LRRC28: variants seen among roughly 807,000 people sequenced by gnomAD.
LRRC28 encodes the protein leucine-rich repeat-containing protein 28.
LRRC28 carries 39 observed loss-of-function variants against 45.7 expected under a neutral mutation model. The observed-to-expected ratio is 0.85, with a 90% confidence interval of 0.66 to 1.12. The LOEUF (loss-of-function observed/expected upper bound fraction) is 1.12, where lower values mean the gene tolerates loss of function less well. LRRC28 is among the 50% of genes most tolerant of loss of function. The probability of loss-of-function intolerance (pLI) is 0.00; values close to 1 mark genes in which losing one functional copy is unlikely to be tolerated. For synonymous variants in LRRC28, 206 were observed against 178.8 expected, an observed-to-expected ratio of 1.15 and a Z score of -1.22; for missense variants, 435 against 438.5, an observed-to-expected ratio of 0.99 and a Z score of 0.07.
chr15:99,325,649 T>C (rs773217977), intron 5 of LRRC28, among the ~76,000 whole-genome samples: 9 of 152,240 alleles, frequency 5.9e-5, no homozygotes, highest in Non-Finnish European at 1.0e-4. Context: ...AGAGTAGTTA[T>C]CATGAGTGGA....
intron 5 of LRRC28, 67 bp from the exon 6 acceptor site, chr15:99,333,856 A>G: frequency 2.7e-6 from 4 of 1,477,864 alleles, no homozygotes; most frequent in Non-Finnish European, 3.8e-6. Context: ...CTGTTATAAT[A>G]TTGATTCATT....
At chr15:99,281,743 T>G (rs2081797927) in intron 3 of LRRC28, among the ~76,000 whole-genome samples, 1 of 152,190 alleles carries the variant, frequency 6.6e-6, no homozygotes. Flanking sequence ...CTTTGATCCT[T>G]TTATGGCTTA....
chr15:99,270,649 T>C (rs959529964), intron 2 of LRRC28, among the ~76,000 whole-genome samples: 2 of 152,256 alleles, frequency 1.3e-5, no homozygotes, highest in Non-Finnish European at 2.9e-5. Flanking sequence ...ATTGTATGGC[T>C]ATACCACCAT....
intron 5 of LRRC28, chr15:99,332,074 T>G (rs532653303): frequency 1.3e-5 from 2 of 152,214 alleles, no homozygotes; most frequent in Non-Finnish European, 2.9e-5. Flanking sequence ...ATTTTTTGAT[T>G]TTTAAATTTA....
intron 6 of LRRC28, among the ~76,000 whole-genome samples, chr15:99,338,894 C>T (rs1956413050): frequency 6.6e-6 from 1 of 152,084 alleles, no homozygotes; most frequent in South Asian, 2.1e-4. Context: ...AAAGATGCAC[C>T]GGAAGAAAAG....
intron 7 of LRRC28, among the ~76,000 whole-genome samples, chr15:99,357,815 A>G (rs1355971738): frequency 6.6e-6 from 1 of 152,154 alleles, no homozygotes; most frequent in African/African-American, 2.4e-5. Flanking sequence ...ATGATTTTGT[A>G]TGATTTCTGA....
chr15:99,260,902 G>C (rs1276035475), intron 2 of LRRC28, among the ~76,000 whole-genome samples: 1 of 152,032 alleles, frequency 6.6e-6, no homozygotes, highest in Non-Finnish European at 1.5e-5. Flanking sequence ...TTTTCATGTT[G>C]TTTTTGTGTT....
At chr15:99,337,763 A>G (rs530845948) in intron 6 of LRRC28, 1 of 152,402 alleles carries the variant, frequency 6.6e-6, no homozygotes, top group East Asian at 1.9e-4. Flanking sequence ...CAGGATAGGA[A>G]GCAGCTTCCA....
At chr15:99,338,911 C>T (rs142183608) in intron 6 of LRRC28, among the ~76,000 whole-genome samples, 1 of 152,142 alleles carries the variant, frequency 6.6e-6, no homozygotes, top group East Asian at 1.9e-4. Context: ...AAAGGATGTT[C>T]CTATTATTAC....
intron 5 of LRRC28, among the ~76,000 whole-genome samples, chr15:99,293,370 G>T (rs561370369): frequency 6.6e-4 from 101 of 151,962 alleles, no homozygotes; most frequent in African/African-American, 2.3e-3. Flanking sequence ...AAGGTGGGTG[G>T]ATCACCTGAG....
chr15:99,275,606 T>C (rs2081596454), intron 2 of LRRC28, among the ~76,000 whole-genome samples: 1 of 152,208 alleles, frequency 6.6e-6, no homozygotes, highest in Non-Finnish European at 1.5e-5. Context: ...ATGTATTCTC[T>C]GACAGTTCTT....
intron 5 of LRRC28, among the ~76,000 whole-genome samples, chr15:99,289,988 T>TG: frequency 6.9e-6 from 1 of 145,060 alleles, no homozygotes; most frequent in Non-Finnish European, 1.5e-5. Context: ...CTGGGCGCAG[T>TG]GGATCACACC....
intron 3 of LRRC28, among the ~76,000 whole-genome samples, chr15:99,278,183 G>A (rs2081671423): frequency 6.6e-6 from 1 of 152,030 alleles, no homozygotes; most frequent in Non-Finnish European, 1.5e-5. Context: ...TTATTGCATT[G>A]GCTCGTTCCT....
At chr15:99,363,948 TAAAA>T (rs1244114486) in intron 9 of LRRC28, among the ~76,000 whole-genome samples, 1 of 151,988 alleles carries the variant, frequency 6.6e-6, no homozygotes, top group East Asian at 1.9e-4. Flanking sequence ...ATTTTTTAAG[TAAAA>T]AAAAGTACTA....
intron 1 of LRRC28, among the ~76,000 whole-genome samples, chr15:99,255,308 G>C (rs2080982455): frequency 6.6e-6 from 1 of 151,808 alleles, no homozygotes; most frequent in African/African-American, 2.4e-5. Flanking sequence ...AGTGAGCTAT[G>C]ATTGAGTCAC....
chr15:99,323,695 T>C (rs1346950962), intron 5 of LRRC28, among the ~76,000 whole-genome samples: 1 of 152,228 alleles, frequency 6.6e-6, no homozygotes, highest in Non-Finnish European at 1.5e-5. Flanking sequence ...ATTACAGAAG[T>C]ATTTATATTG....
rs554626218 is a variant in LRRC28 at position 99,388,262 on chromosome 15, C to T, written c.*2160C>T. ...TCTTGCTACATTTTTCTATTTCATC[C>T]TCTACAATCATATGTCATGGAATGG... On this transcript the variant is annotated 3_prime_UTR_variant, in exon 10 of 10. Transcript: ENST00000301981. 3 of 152,300 alleles carry T rather than the reference C, an allele frequency of 2.0e-5. No homozygotes were observed. The highest frequency in any genetic ancestry group is 7.2e-5 in the African/African-American group (3 of 41,560). The allele number at this position is 152,300 out of a possible 1,614,324, so 9.4% of individuals were successfully genotyped here. A position where few individuals can be genotyped will look rare whatever the true frequency, so the allele number is the denominator to read the frequency against.
chr15:99,362,515 A>C (rs1957230871), intron 8 of LRRC28, among the ~76,000 whole-genome samples: 1 of 152,220 alleles, frequency 6.6e-6, no homozygotes, highest in South Asian at 2.1e-4. Flanking sequence ...GTTTTGCTTT[A>C]AATGTCTGTT....
intron 5 of LRRC28, among the ~76,000 whole-genome samples, chr15:99,328,659 T>C (rs1248316084): frequency 6.7e-6 from 1 of 149,054 alleles, no homozygotes; most frequent in Non-Finnish European, 1.5e-5. Context: ...GTGGACTAGG[T>C]AGGGAAAATC....
Sources: allele counts gnomAD v4.1 joint callset (sites outside exome capture counted in the v4.1 genomes callset), GRCh38; gene constraint gnomAD v4.1.1; transcripts MANE v1.5; gene names NCBI Gene and HGNC (gene_info 2026-07-23, HGNC 2026-07-21).